SHROOM3: variants seen among roughly 807,000 people sequenced by gnomAD.
The protein encoded by SHROOM3 is shroom family member 3, also known as protein Shroom3.
Under a neutral mutation model 138.6 loss-of-function variants are expected in SHROOM3, and 47 were observed. The observed-to-expected ratio is 0.34, with a 90% CI of 0.27 to 0.43. The LOEUF (loss-of-function observed/expected upper bound fraction) is 0.43, where lower values mean the gene tolerates loss of function less well. Among genes scored for constraint, SHROOM3 ranks in the 20% least tolerant of loss-of-function variants. SHROOM3 has a pLI of 1.00. For synonymous variants in SHROOM3, 1,062 were observed against 1,063.3 expected, an observed-to-expected ratio of 1.00 and a Z score of 0.02; for missense variants, 2,491 against 2,596.5, an observed-to-expected ratio of 0.96 and a Z score of 0.88.
At chr4:76,747,255 T>C (rs577928894) in intron 5 of SHROOM3, among the ~76,000 whole-genome samples, 12 of 152,356 alleles carry the variant, frequency 7.9e-5, no homozygotes, top group Admixed American at 2.0e-4. Flanking sequence ...TGTTTTTTTT[T>C]CCCTGTAATT....
intron 2 of SHROOM3, among the ~76,000 whole-genome samples, chr4:76,692,350 G>A (rs1719580078): frequency 6.6e-6 from 1 of 152,188 alleles, no homozygotes; most frequent in South Asian, 2.1e-4. Flanking sequence ...CCAGGAACTG[G>A]CGATGGGTTC....
At chr4:76,604,091 C>T (rs1157060266) in intron 2 of SHROOM3, among the ~76,000 whole-genome samples, 3 of 152,072 alleles carry the variant, frequency 2.0e-5, no homozygotes, top group Admixed American at 6.5e-5. Flanking sequence ...TCCCAAAGTG[C>T]TGGGATTACA....
At chr4:76,483,101 A>T (rs1419518153) in intron 1 of SHROOM3, among the ~76,000 whole-genome samples, 1 of 152,238 alleles carries the variant, frequency 6.6e-6, no homozygotes, top group Non-Finnish European at 1.5e-5. Context: ...CAAGGACTTC[A>T]TGAATAAAAC....
chr4:76,471,432 T>C (rs1731370225), intron 1 of SHROOM3, among the ~76,000 whole-genome samples: 2 of 152,046 alleles, frequency 1.3e-5, no homozygotes, highest in Non-Finnish European at 2.9e-5. Flanking sequence ...TTAGTAGAGA[T>C]GGGTTTTCAC....
intron 2 of SHROOM3, among the ~76,000 whole-genome samples, chr4:76,705,060 C>T (rs2110114816): frequency 6.6e-6 from 1 of 152,316 alleles, no homozygotes; most frequent in East Asian, 1.9e-4. Context: ...CCAGTTTCCC[C>T]AGCCTTCCCT....
chr4:76,460,175 A>G (rs1731111199), intron 1 of SHROOM3, among the ~76,000 whole-genome samples: 1 of 152,190 alleles, frequency 6.6e-6, no homozygotes, highest in Non-Finnish European at 1.5e-5. Flanking sequence ...AGGGCTACAT[A>G]AGTTTAAAAA....
chr4:76,744,289 AGAGG>A (rs1208200720), intron 5 of SHROOM3, among the ~76,000 whole-genome samples: 1 of 152,250 alleles, frequency 6.6e-6, no homozygotes, highest in Non-Finnish European at 1.5e-5. Context: ...ATGCAGGCAG[AGAGG>A]GAAATATTTC....
At chr4:76,535,413 G>T (rs1288612415) in intron 1 of SHROOM3, among the ~76,000 whole-genome samples, 1 of 152,094 alleles carries the variant, frequency 6.6e-6, no homozygotes, top group African/African-American at 2.4e-5. Context: ...CTTTGAAAAT[G>T]GGAGCAATTC....
chr4:76,633,286 G>A (rs1735378461), intron 2 of SHROOM3, among the ~76,000 whole-genome samples: 1 of 143,502 alleles, frequency 7.0e-6, no homozygotes, highest in African/African-American at 2.6e-5. Flanking sequence ...GGTTGCAGTG[G>A]AGGGACACTG....
chr4:76,642,973 G>A (rs1292434265), intron 2 of SHROOM3, among the ~76,000 whole-genome samples: 1 of 152,072 alleles, frequency 6.6e-6, no homozygotes, highest in Non-Finnish European at 1.5e-5. Flanking sequence ...TTGGGAGGCC[G>A]AGGCGGGCAG....
chr4:76,693,486 C>T lies in SHROOM3; in HGVS notation c.324-16670C>T, dbSNP rs113767805. ...GCAGCCTCCACCTCCCGGGTTCAAGCGATTCTCCTGCCTCAGCCTCCCAAG... is the reference window on the plus strand; with the variant it reads ...GCAGCCTCCACCTCCCGGGTTCAAGTGATTCTCCTGCCTCAGCCTCCCAAG... On this transcript the variant is annotated intron_variant, in intron 2 of 10. Transcript: ENST00000296043. Among the ~76,000 whole-genome samples the T allele has an allele frequency of 1.1e-4, 16 of 148,448 alleles. 1 individual carries two copies. The highest frequency in any genetic ancestry group is 3.5e-4 in the African/African-American group (14 of 40,256).
intron 1 of SHROOM3, among the ~76,000 whole-genome samples, chr4:76,466,861 G>T (rs1731259238): frequency 6.6e-6 from 1 of 151,906 alleles, no homozygotes; most frequent in South Asian, 2.1e-4. Flanking sequence ...TTTAGGTTTG[G>T]GCTGAAGATG....
chr4:76,521,603 A>G (rs1420685104), intron 1 of SHROOM3, among the ~76,000 whole-genome samples: 9 of 152,232 alleles, frequency 5.9e-5, no homozygotes, highest in Non-Finnish European at 1.3e-4. Flanking sequence ...TTTCACACAG[A>G]AAAATAACAT....
chr4:76,437,504 A>G lies in SHROOM3; in HGVS notation c.168+1284A>G, dbSNP rs1031834284. Among the ~76,000 whole-genome samples the G allele has an allele frequency of 4.6e-5, 7 of 152,196 alleles. 1 individual carries two copies. Among genetic ancestry groups the G allele is most frequent in the African/African-American group, 1.7e-4 (7 of 41,456 alleles). ...TCTTCATGGTTGCATGATGGATCCCACAACTCCAGCATTGATTGCATCTTC... is the reference window on the plus strand; with the variant it reads ...TCTTCATGGTTGCATGATGGATCCCGCAACTCCAGCATTGATTGCATCTTC... On this transcript the variant is annotated intron_variant, in intron 1 of 10. Coordinates refer to ENST00000296043, the MANE Select transcript of SHROOM3 (RefSeq NM_020859.4).
intron 1 of SHROOM3, among the ~76,000 whole-genome samples, chr4:76,466,357 C>A (rs1269364224): frequency 6.6e-6 from 1 of 152,162 alleles, no homozygotes; most frequent in African/African-American, 2.4e-5. Context: ...TCTGCTCCTC[C>A]ATTTTCTTCC....
intron 2 of SHROOM3, among the ~76,000 whole-genome samples, chr4:76,564,058 C>T (rs1215554172): frequency 6.6e-6 from 1 of 152,174 alleles, no homozygotes; most frequent in Non-Finnish European, 1.5e-5. Flanking sequence ...TGTTACCTCT[C>T]ACCTCCACAT....
Position 76,739,881 on chromosome 4 carries a change from T to C in SHROOM3, c.1708T>C (p.Ser570Pro). 8.7e-6 allele frequency: 14 copies of C among 1,614,094 alleles called. No homozygotes were observed. Among genetic ancestry groups the C allele is most frequent in the Non-Finnish European group, 1.2e-5 (14 of 1,180,026 alleles). ...CSVPENEEDA[S>P]LKRHLTPPQG... ...AGTGCCTGAAAATGAGGAGGATGCC[T>C]CCCTGAAGAGACATCTCACACCTCC... The change falls in exon 5 of 11, where the codon TCC (serine) becomes CCC (proline). Residue 570 changes from serine to proline, a missense_variant. By Grantham distance (74) the Ser-to-Pro change is moderately conservative. Coordinates refer to ENST00000296043, the MANE Select transcript of SHROOM3 (RefSeq NM_020859.4).
chr4:76,547,501 G>GTGGGCACTGCTA (rs1733247857), intron 1 of SHROOM3, among the ~76,000 whole-genome samples: 1 of 152,294 alleles, frequency 6.6e-6, no homozygotes, highest in East Asian at 1.9e-4. Flanking sequence ...GCAATAAATA[G>GTGGGCACTGCTA]TGGGCACTGC....
Position 76,741,035 on chromosome 4 carries a change from G to T in SHROOM3, c.2862G>T (p.Ser954=). ...RDLELGAPVA[S]RSWRPRPSSA... ...TGGAGCTGGGGGCGCCCGTGGCGTC[G>T]AGGTCCTGGCGGCCACGGCCTTCCT... The change falls in exon 5 of 11, where the codon TCG becomes TCT. Residue 954 remains serine (S), a synonymous_variant. Transcript: ENST00000296043. The surrounding 1 kb of genome is among the most constrained non-coding windows in gnomAD (Gnocchi z 6.2). 1 of 1,489,128 alleles carries T rather than the reference G, an allele frequency of 6.7e-7. No homozygotes were observed. The highest frequency in any genetic ancestry group is 8.9e-7 in the Non-Finnish European group (1 of 1,124,050). The allele number at this position is 1,489,128 out of a possible 1,614,324, so 92.2% of individuals were successfully genotyped here.
Sources: gnomAD v4.1 joint callset for allele counts (sites outside exome capture counted in the v4.1 genomes callset) on GRCh38, gnomAD v4.1.1 for gene constraint, Gnocchi (gnomAD v3.1) non-coding constraint, MANE v1.5 for transcripts, NCBI Gene and HGNC (gene_info 2026-07-23, HGNC 2026-07-21) for gene names.